Variants in TDRD5 observed in about 807,000 individuals in gnomAD.
The protein encoded by TDRD5 is tudor domain containing 5.
A neutral mutation model predicts 120.6 loss-of-function variants in TDRD5; 41 were observed. That is an observed-to-expected ratio of 0.34 (90% CI 0.26 to 0.44). TDRD5 has a LOEUF of 0.44. TDRD5 is among the 20% of genes least tolerant of loss of function. The pLI is 1.00. For synonymous variants in TDRD5, 430 were observed against 433.7 expected, an observed-to-expected ratio of 0.99 and a Z score of 0.11; for missense variants, 1,006 against 1,221.2, an observed-to-expected ratio of 0.82 and a Z score of 2.63.
chr1:179,625,107 T>G (rs577061312), intron 6 of TDRD5, among the ~76,000 whole-genome samples: 1 of 140,372 alleles, frequency 7.1e-6, no homozygotes, highest in African/African-American at 2.7e-5. Context: ...CTGGAACAAC[T>G]GAATGCAAGA....
rs576132309 is a variant in TDRD5, at chr1:179,597,092, A to G, written c.831+1274A>G. Among the ~76,000 whole-genome samples the G allele has an allele frequency of 5.6e-4, 85 of 152,160 alleles. 1 individual carries two copies. Among genetic ancestry groups the G allele is most frequent in the Non-Finnish European group, 1.1e-3 (75 of 67,982 alleles). On this transcript the variant is annotated intron_variant, in intron 4 of 17. Coordinates refer to ENST00000444136, the MANE Select transcript of TDRD5 (RefSeq NM_001199085.3). Reference sequence around the variant, plus strand: ...TTTCACATGCGTGTTTGCCATTTGTATTTCCTTTTTGAAGTGTCTATTCAA... The same window carrying G: ...TTTCACATGCGTGTTTGCCATTTGTGTTTCCTTTTTGAAGTGTCTATTCAA...
At chr1:179,649,259 A>C (rs1240548204) in intron 11 of TDRD5, among the ~76,000 whole-genome samples, 1 of 151,812 alleles carries the variant, frequency 6.6e-6, no homozygotes, top group Non-Finnish European at 1.5e-5. Flanking sequence ...ACTTTTTTTT[A>C]ATCTTGCAAA....
chr1:179,598,402 AAAT>A (rs1330279285), intron 4 of TDRD5, among the ~76,000 whole-genome samples: 2 of 152,240 alleles, frequency 1.3e-5, no homozygotes, highest in Admixed American at 1.3e-4. Context: ...TGCCAGAAAT[AAAT>A]AAGATTGTGA....
intron 5 of TDRD5, among the ~76,000 whole-genome samples, chr1:179,620,737 T>C (rs1326408635): frequency 6.6e-6 from 1 of 152,188 alleles, no homozygotes; most frequent in East Asian, 1.9e-4. Context: ...TTATGTGAGC[T>C]GAAGCTAAAT....
intron 4 of TDRD5, among the ~76,000 whole-genome samples, chr1:179,601,473 G>A (rs576800742): frequency 2.0e-5 from 3 of 151,952 alleles, no homozygotes; most frequent in South Asian, 2.1e-4. Context: ...ATGCCTAGGC[G>A]TCCTCATAGC....
intron 6 of TDRD5, among the ~76,000 whole-genome samples, chr1:179,629,031 A>G (rs1379756941): frequency 1.3e-5 from 2 of 152,214 alleles, no homozygotes; most frequent in African/African-American, 4.8e-5. Context: ...ATCACTCAGC[A>G]TCATCACAGT....
At chr1:179,656,536 C>T (rs1049858217) in intron 14 of TDRD5, among the ~76,000 whole-genome samples, 1 of 152,162 alleles carries the variant, frequency 6.6e-6, no homozygotes, top group Non-Finnish European at 1.5e-5. Context: ...GGTTAGGTTT[C>T]ATTTTGTTAC....
At position 179,595,655 on chromosome 1, in the gene TDRD5, T is replaced by C; in HGVS notation, c.668T>C (p.Met223Thr). 6 of 1,589,984 alleles carry C rather than the reference T, an allele frequency of 3.8e-6. No homozygotes were observed. The highest frequency in any genetic ancestry group is 5.1e-6 in the Non-Finnish European group (6 of 1,172,220). The change falls in exon 4 of 18, where the codon ATG becomes ACG. Residue 223 changes from methionine to threonine, a missense_variant. By Grantham distance (81) the Met-to-Thr change is moderately conservative (BLOSUM62 -1). Transcript: ENST00000444136. Reference protein sequence around the residue: ...AGKIFTQPFRMKQGSYSTGFP... With the variant: ...AGKIFTQPFRTKQGSYSTGFP... ...AAAATTTTTACCCAGCCATTTAGAA[T>C]GAAACAAGGGTCATACTCCACAGGC... is the stretch of plus-strand genomic sequence containing the variant.
chr1:179,655,091 A>C (rs1006366598), intron 14 of TDRD5, among the ~76,000 whole-genome samples: 1 of 152,076 alleles, frequency 6.6e-6, no homozygotes, highest in Non-Finnish European at 1.5e-5. Context: ...ACCCACGTTT[A>C]TCTCTTTTAG....
intron 4 of TDRD5, among the ~76,000 whole-genome samples, chr1:179,610,953 C>G (rs766217648): frequency 3.3e-5 from 5 of 151,842 alleles, no homozygotes; most frequent in Admixed American, 6.6e-5. Flanking sequence ...TTGTAGTTGT[C>G]TATTTATTCA....
chr1:179,660,171 T>A (rs977849815), intron 14 of TDRD5, among the ~76,000 whole-genome samples: 3 of 151,138 alleles, frequency 2.0e-5, no homozygotes, highest in African/African-American at 7.3e-5. Context: ...TTCTCTTAGG[T>A]TATTTGAACA....
rs184259484 is a variant in TDRD5, at chr1:179,614,366, A to G, written c.832-4233A>G. Among the ~76,000 whole-genome samples, 182 of 152,330 alleles carry G rather than the reference A, an allele frequency of 1.2e-3. 2 individuals are homozygous for G. Among genetic ancestry groups the G allele is most frequent in the African/African-American group, 4.3e-3 (178 of 41,582 alleles). ...ATGTGCCATAATTTTAAATGATGAT[A>G]TGAATGTGCCATAATTTGACTTGTA... is the stretch of plus-strand genomic sequence containing the variant. On this transcript the variant is annotated intron_variant, in intron 4 of 17. Coordinates refer to ENST00000444136, the MANE Select transcript of TDRD5 (RefSeq NM_001199085.3).
At chr1:179,634,252 C>T (rs1349634964) in intron 7 of TDRD5, among the ~76,000 whole-genome samples, 2 of 152,006 alleles carry the variant, frequency 1.3e-5, no homozygotes, top group African/African-American at 4.8e-5. Flanking sequence ...AAGATTTGTT[C>T]CCACCTAGAA....
intron 4 of TDRD5, among the ~76,000 whole-genome samples, chr1:179,617,281 A>G (rs1676611358): frequency 6.6e-6 from 1 of 152,200 alleles, no homozygotes; most frequent in Non-Finnish European, 1.5e-5. Context: ...TGAAAAGAAG[A>G]GTAGTCAGTT....
At chr1:179,617,179 A>T (rs10157829) in intron 4 of TDRD5, among the ~76,000 whole-genome samples, 5 of 151,956 alleles carry the variant, frequency 3.3e-5, no homozygotes, top group Non-Finnish European at 5.9e-5. Flanking sequence ...AAATGTGAAA[A>T]TAGGGGAAAA....
At position 179,630,767 on chromosome 1, in the gene TDRD5, G is replaced by A; in HGVS notation, c.973G>A (p.Val325Ile). The part of the protein sequence containing the change: ...FISKLLGEYE[V>I]IFKEQLSPKK... ...TGTAATTTCTATTTTCTTGTGACAG[G>A]TAATTTTTAAAGAGCAACTATCACC... is the stretch of plus-strand genomic sequence containing the variant. Residue 325 changes from valine (V) to isoleucine (I), a missense_variant and splice_region_variant, in exon 7 of 18, where the codon GTA becomes ATA. This residue lies in a region of TDRD5 where 445 missense variants were observed against 515.5 expected (regional missense o/e 0.86). Transcript: ENST00000444136. 6.2e-6 allele frequency: 10 copies of A among 1,612,328 alleles called. No homozygotes were observed. Among genetic ancestry groups the A allele is most frequent in the Non-Finnish European group, 8.5e-6 (10 of 1,179,394 alleles).
At chr1:179,642,729 C>G (rs11581868) in intron 11 of TDRD5, among the ~76,000 whole-genome samples, 45,706 of 152,090 alleles carry the variant, frequency 0.3, 7,826 homozygotes, top group Admixed American at 0.4. Flanking sequence ...GGCTTTGTGC[C>G]TGGTAAATGC....
chr1:179,687,544 A>G (rs891201244), intron 17 of TDRD5, among the ~76,000 whole-genome samples: 20 of 152,192 alleles, frequency 1.3e-4, no homozygotes, highest in Non-Finnish European at 2.6e-4. Flanking sequence ...AGAGTTCTGT[A>G]GATGTCTATT....
At chr1:179,595,051 T>C (rs1675314848) in intron 3 of TDRD5, among the ~76,000 whole-genome samples, 1 of 152,096 alleles carries the variant, frequency 6.6e-6, no homozygotes, top group African/African-American at 2.4e-5. Flanking sequence ...TTTTTGTTTT[T>C]TGTTTTTGTT....
Sources: gnomAD v4.1 joint callset for allele counts (sites outside exome capture counted in the v4.1 genomes callset) on GRCh38, gnomAD v4.1.1 for gene constraint, gnomAD v4.1.1 regional missense constraint, MANE v1.5 for transcripts, NCBI Gene and HGNC (gene_info 2026-07-23, HGNC 2026-07-21) for gene names.